WIF1: variants seen among roughly 807,000 people sequenced by gnomAD.
WIF1 encodes the protein Wnt inhibitory factor 1.
A neutral mutation model predicts 53.5 loss-of-function variants in WIF1; 35 were observed. The observed-to-expected ratio is 0.65, with a 90% CI of 0.50 to 0.87. The LOEUF (loss-of-function observed/expected upper bound fraction) is 0.87, where lower values mean the gene tolerates loss of function less well. WIF1 is among the 40% of genes least tolerant of loss of function. WIF1 has a pLI of 0.00. For synonymous variants in WIF1, 171 were observed against 170.4 expected (o/e 1.00, Z -0.03); for missense variants, 467 against 476.8 (o/e 0.98, Z 0.19).
chr12:65,054,454 A>G (rs1435400446), intron 9 of WIF1, among the ~76,000 whole-genome samples: 2 of 152,168 alleles, frequency 1.3e-5, no homozygotes, highest in African/African-American at 4.8e-5. Flanking sequence ...ACCACAATCA[A>G]TACTGAATGA....
At chr12:65,066,388 C>T (rs1039988651) in intron 6 of WIF1, among the ~76,000 whole-genome samples, 2 of 152,102 alleles carry the variant, frequency 1.3e-5, no homozygotes, top group African/African-American at 4.8e-5. Flanking sequence ...GCCTGGGCTC[C>T]TGAGTCACTG....
chr12:65,112,404 T>TCACACACACACACACACACACACACA (rs758383148), intron 2 of WIF1, among the ~76,000 whole-genome samples: 2 of 123,448 alleles, frequency 1.6e-5, no homozygotes, highest in Non-Finnish European at 3.5e-5. Flanking sequence ...CCTGCTCTAA[T>TCACACACACACACACACACACACACA]CACACACACA....
At chr12:65,087,126 G>T (rs1883051708) in intron 2 of WIF1, among the ~76,000 whole-genome samples, 1 of 152,116 alleles carries the variant, frequency 6.6e-6, no homozygotes, top group African/African-American at 2.4e-5. Flanking sequence ...CTTCAGCCTG[G>T]GTGACAGAGT....
At chr12:65,107,923 A>G (rs1229643327) in intron 2 of WIF1, among the ~76,000 whole-genome samples, 3 of 152,208 alleles carry the variant, frequency 2.0e-5, no homozygotes, top group Non-Finnish European at 2.9e-5. Flanking sequence ...AAGGCCGACT[A>G]TAGTAGGCCC....
chr12:65,077,756 G>A lies in WIF1; in HGVS notation c.387C>T (p.His129=). 1 of 1,612,922 alleles carries A rather than the reference G, an allele frequency of 6.2e-7. No homozygotes were observed. Among genetic ancestry groups the A allele is most frequent in the Non-Finnish European group, 8.5e-7 (1 of 1,179,088 alleles). ...VNVPLLGTVP[H]KASVVQVGFP... is the part of the protein sequence containing the mutation. The stretch of plus-strand genomic sequence containing the variant: ...GCAAAGACCACCCACCTGATGCCTT[G>A]TGAGGCACTGTTCCCAGCAGAGGGA... The change falls in exon 3 of 10, where the codon CAC becomes CAT. Residue 129 remains histidine (H), a synonymous_variant. Transcript: ENST00000286574.
Position 65,068,814 on chromosome 12 carries a change from G to T in WIF1, c.488C>A (p.Thr163Asn), listed in dbSNP as rs745664951. Residue 163 changes from threonine to asparagine, a missense_variant, in exon 4 of 10, where the codon ACC becomes AAC. By Grantham distance (65) the Thr-to-Asn change is moderately conservative. Coordinates refer to ENST00000286574, the MANE Select transcript of WIF1 (RefSeq NM_007191.5). ...DVIVMNSEGN[T>N]ILQTPQNAIF... Reference sequence around the variant, plus strand: ...AGCATTTTGAGGTGTTTGGAGAATGGTGTTGCCTTCAGAATTCATAACAAT... The same window carrying T: ...AGCATTTTGAGGTGTTTGGAGAATGTTGTTGCCTTCAGAATTCATAACAAT... 1.9e-6 allele frequency: 3 copies of T among 1,613,710 alleles called. No homozygotes were observed. The highest frequency in any genetic ancestry group is 1.7e-5 in the Admixed American group (1 of 59,962).
rs546955568 is a variant in WIF1 at position 65,094,088 on chromosome 12, C to T, written c.289-16234G>A. ...CACATATCTCTTCCCCAAACATAGC[C>T]GCTGAACTTTCTTAAAAGGCTATGA... On this transcript the variant is annotated intron_variant, in intron 2 of 9. Coordinates refer to ENST00000286574, the MANE Select transcript of WIF1 (RefSeq NM_007191.5). Among the ~76,000 whole-genome samples the T allele has an allele frequency of 4.1e-4, 62 of 152,246 alleles. 2 individuals carry two copies. Among genetic ancestry groups the T allele is most frequent in the African/African-American group, 1.3e-3 (56 of 41,564 alleles).
intron 2 of WIF1, among the ~76,000 whole-genome samples, chr12:65,093,356 C>T (rs1436252912): frequency 6.6e-6 from 1 of 152,104 alleles, no homozygotes; most frequent in Non-Finnish European, 1.5e-5. Context: ...GTAACGTTAG[C>T]CAAACTCATA....
At chr12:65,061,045 C>T (rs1406588578) in intron 7 of WIF1, among the ~76,000 whole-genome samples, 1 of 152,072 alleles carries the variant, frequency 6.6e-6, no homozygotes, top group Non-Finnish European at 1.5e-5. Flanking sequence ...AGTAAGTGTG[C>T]AGAGTCTGAA....
intron 2 of WIF1, among the ~76,000 whole-genome samples, chr12:65,085,401 A>G (rs1883021012): frequency 6.6e-6 from 1 of 152,160 alleles, no homozygotes; most frequent in Non-Finnish European, 1.5e-5. Context: ...AGTCACATGA[A>G]GTCAGGTGTG....
chr12:65,053,600 C>T (rs77585826), intron 9 of WIF1, among the ~76,000 whole-genome samples: 6,818 of 152,166 alleles, frequency 0.045, 507 homozygotes, highest in African/African-American at 0.16. Context: ...CCTCCCTAGC[C>T]ATATGGAAGG....
At chr12:65,108,921 C>A (rs1883389118) in intron 2 of WIF1, among the ~76,000 whole-genome samples, 1 of 152,170 alleles carries the variant, frequency 6.6e-6, no homozygotes, top group Admixed American at 6.6e-5. Context: ...GTGCAAAGAC[C>A]AGCTAATTCT....
intron 2 of WIF1, among the ~76,000 whole-genome samples, chr12:65,079,299 G>C (rs941529966): frequency 3.3e-5 from 5 of 151,358 alleles, no homozygotes; most frequent in African/African-American, 9.7e-5. Context: ...AAACACAAAT[G>C]AACAAATCTG....
intron 7 of WIF1, among the ~76,000 whole-genome samples, chr12:65,056,950 A>T (rs1416262575): frequency 2.6e-5 from 4 of 152,112 alleles, no homozygotes; most frequent in African/African-American, 9.7e-5. Flanking sequence ...GTGCCTGGCC[A>T]AGTTTTGATT....
At chr12:65,059,031 G>A (rs925584060) in intron 7 of WIF1, among the ~76,000 whole-genome samples, 1 of 150,990 alleles carries the variant, frequency 6.6e-6, no homozygotes, top group Middle Eastern at 3.5e-3. Context: ...CAGCCTAGGT[G>A]ACAGAGCTAG....
chr12:65,070,175 C>A (rs1882751854), intron 3 of WIF1, among the ~76,000 whole-genome samples: 1 of 152,114 alleles, frequency 6.6e-6, no homozygotes, highest in African/African-American at 2.4e-5. Context: ...TTTGGCAACC[C>A]AAAACTCCTC....
intron 8 of WIF1, among the ~76,000 whole-genome samples, chr12:65,055,458 C>T (rs1882508727): frequency 6.6e-6 from 1 of 152,168 alleles, no homozygotes; most frequent in East Asian, 1.9e-4. Flanking sequence ...ACTGCTGGAG[C>T]ATGGAAGTTT....
chr12:65,116,373 C>T (rs553784244), intron 2 of WIF1, among the ~76,000 whole-genome samples: 1 of 152,018 alleles, frequency 6.6e-6, no homozygotes, highest in Admixed American at 6.5e-5. Flanking sequence ...ACTGTGAACC[C>T]TGTTGTGAAC....
rs1321983619 is a variant in WIF1, at chr12:65,121,283, CTCAGCCAGGGCTG to C, written c.-105_-93del. ...AGATACTCTGCTGCGCTGCAGCTCC[CTCAGCCAGGGCTG>C]TTCCCGTTTAGACGGCTGGGCGCGT... On this transcript the variant is annotated 5_prime_UTR_variant, in exon 1 of 10. Transcript: ENST00000286574. 7.5e-6 allele frequency: 10 copies of C among 1,328,956 alleles called. No homozygotes were observed. Among genetic ancestry groups the C allele is most frequent in the Non-Finnish European group, 8.7e-6 (9 of 1,034,538 alleles). The allele number at this position is 1,328,956 out of a possible 1,614,324, so 82.3% of individuals were successfully genotyped here. A position where few individuals can be genotyped will look rare whatever the true frequency, so the allele number is the denominator to read the frequency against.
Sources: allele counts gnomAD v4.1 joint callset (sites outside exome capture counted in the v4.1 genomes callset), GRCh38; gene constraint gnomAD v4.1.1; transcripts MANE v1.5; gene names NCBI Gene and HGNC (gene_info 2026-07-23, HGNC 2026-07-21).